SMARCA4: variants seen among roughly 807,000 people sequenced by gnomAD.
The protein encoded by SMARCA4 is SWI/SNF-related matrix-associated actin-dependent regulator of chromatin subfamily A member 4.
Under a neutral mutation model 193.9 loss-of-function variants are expected in SMARCA4, and 31 were observed. That is an observed-to-expected ratio of 0.16 (90% confidence interval 0.12 to 0.22). The LOEUF is 0.22. SMARCA4 is among the 10% of genes least tolerant of loss of function. SMARCA4 has a pLI of 1.00. For synonymous variants in SMARCA4, 942 were observed against 933.1 expected, an observed-to-expected ratio of 1.01 and a Z score of -0.17; for missense variants, 1,148 against 2,296.0, an observed-to-expected ratio of 0.50 and a Z score of 10.22.
In SMARCA4 at chr19:11,061,814, T is replaced by C. The variant is rs2076918636; in HGVS notation, c.4942T>C (p.Ter1648ArgextTer19). ...DRSGSGSEED[*>R] Reference sequence around the variant, plus strand: ...CTCAGGAAGTGGCAGCGAAGAAGACTGAGCCCCGACATTCCAGTCTCGACC... The same window carrying C: ...CTCAGGAAGTGGCAGCGAAGAAGACCGAGCCCCGACATTCCAGTCTCGACC... The change falls in exon 35 of 35, where the codon TGA becomes CGA. Residue 1648 changes from the stop codon to arginine, a stop_lost. Transcript: ENST00000344626. 6.2e-7 allele frequency: 1 copy of C among 1,614,052 alleles called. No homozygotes were observed. Among genetic ancestry groups the C allele is most frequent in the Non-Finnish European group, 8.5e-7 (1 of 1,180,006 alleles).
At position 10,986,183 on chromosome 19, in the gene SMARCA4, C is replaced by T. The variant is rs750328834; in HGVS notation, c.356-6C>T. ...GAGTGACCAGTGGGCTGACCTTTCT[C>T]TGCAGGTTACCCCTCGCCCCTGGGT... is the stretch of plus-strand genomic sequence containing the variant. On this transcript the variant is annotated splice_region_variant and splice_polypyrimidine_tract_variant and intron_variant, in intron 3 of 34. Coordinates refer to ENST00000344626, the MANE Select transcript of SMARCA4 (RefSeq NM_003072.5). This position sits in a 1 kb window ranked among gnomAD's most constrained non-coding sequence, Gnocchi z 6.7. 33 of 1,612,588 alleles carry T rather than the reference C, an allele frequency of 2.0e-5. No individual in the cohort carries two copies. Among genetic ancestry groups the T allele is most frequent in the Non-Finnish European group, 2.8e-5 (33 of 1,178,988 alleles).
rs1325847832 is a variant in SMARCA4 at position 11,030,977 on chromosome 19, C to G, written c.3546+84C>G. On this transcript the variant is annotated intron_variant, in intron 25 of 34. Transcript: ENST00000344626. This position sits in a 1 kb window ranked among gnomAD's most constrained non-coding sequence, Gnocchi z 5.5. Reference sequence around the variant, plus strand: ...AGGAGACGGCCCTGGCTTGAGGGTCCTCCAGCCTCCTCCACATTGTCTTGG... The same window carrying G: ...AGGAGACGGCCCTGGCTTGAGGGTCGTCCAGCCTCCTCCACATTGTCTTGG... The G allele has an allele frequency of 8.1e-7, 1 of 1,231,354 alleles. No homozygotes were observed. The highest frequency in any genetic ancestry group is 1.2e-6 in the Non-Finnish European group (1 of 863,780). The allele number at this position is 1,231,354 out of a possible 1,614,324, so 76.3% of individuals were successfully genotyped here.
At position 11,058,041 on chromosome 19, in the gene SMARCA4, G is replaced by C. The variant is rs2076641497; in HGVS notation, c.4425-214G>C. 6.6e-6 allele frequency among the ~76,000 whole-genome samples: 1 copy of C among 152,030 alleles called. No homozygotes were observed. Among genetic ancestry groups the C allele is most frequent in the Non-Finnish European group, 1.5e-5 (1 of 68,024 alleles). On this transcript the variant is annotated intron_variant, in intron 30 of 34. Transcript: ENST00000344626. This position sits in a 1 kb window ranked among gnomAD's most constrained non-coding sequence, Gnocchi z 5.8. ...GAATCTCCTGAACCTGGGAGGTGGAGGTTGCAGTGAGCCGAGATCGCACCA... is the reference window on the plus strand; with the variant it reads ...GAATCTCCTGAACCTGGGAGGTGGACGTTGCAGTGAGCCGAGATCGCACCA...
intron 18 of SMARCA4, among the ~76,000 whole-genome samples, chr19:11,020,415 GT>G (rs1210085184): frequency 0.019 from 2,709 of 143,846 alleles, 26 homozygotes; most frequent in Non-Finnish European, 0.026. Context: ...TTGCGTTTTG[GT>G]TTTTTTTTTT....
rs1164313425 is a variant in SMARCA4 at position 11,058,256 on chromosome 19, A to T, written c.4426A>T (p.Ser1476Cys). Residue 1476 changes from serine (S) to cysteine (C), a missense_variant and splice_region_variant, in exon 31 of 35, where the codon AGC becomes TGC. Ser to Cys is a moderately radical substitution (Grantham distance 112). Coordinates refer to ENST00000344626, the MANE Select transcript of SMARCA4 (RefSeq NM_003072.5). This position sits in a 1 kb window ranked among gnomAD's most constrained non-coding sequence, Gnocchi z 5.8. ...VDAVIKYKDSSSGRQLSEVFI... is the reference protein window; with the variant it reads ...VDAVIKYKDSCSGRQLSEVFI... ...ATAGCCGCCGGTTCTGCCTTGCAGC[A>T]GCAGTGGACGTCAGCTCAGCGAGGT... 6.2e-7 allele frequency: 1 copy of T among 1,610,746 alleles called. No homozygotes were observed. The highest frequency in any genetic ancestry group is 1.7e-5 in the Admixed American group (1 of 60,012).
chr19:11,023,409 A>G lies in SMARCA4; in HGVS notation c.2860-109A>G, dbSNP rs112226524. 13 of 742,324 alleles carry G rather than the reference A, an allele frequency of 1.8e-5. No homozygotes were observed. The African/African-American group carries it at 2.2e-4, about 13-fold the overall frequency. 46.0% of individuals were successfully genotyped at this position (742,324 alleles called of 1,614,324 possible). On this transcript the variant is annotated intron_variant, in intron 19 of 34. Transcript: ENST00000344626. Reference sequence around the variant, plus strand: ...AAAGCCACGTGCCAAGGGCAAGATCACCCCAGGGGACCCCGTCCACCCTGT... The same window carrying G: ...AAAGCCACGTGCCAAGGGCAAGATCGCCCCAGGGGACCCCGTCCACCCTGT...
At position 11,033,155 on chromosome 19, in the gene SMARCA4, G is replaced by A. The variant is rs560591557; in HGVS notation, c.3547-135G>A. The stretch of plus-strand genomic sequence containing the variant: ...TCCACCAGCTCTGTTTTCATGCGGC[G>A]GCAGGTCAGGCTGGGCAGAATTGTC... On this transcript the variant is annotated intron_variant, in intron 25 of 34. Transcript: ENST00000344626. This position sits in a 1 kb window ranked among gnomAD's most constrained non-coding sequence, Gnocchi z 9.8. The A allele has an allele frequency of 1.4e-4, 101 of 728,990 alleles. 2 individuals carry two copies. Among genetic ancestry groups the A allele is most frequent in the South Asian group, 1.2e-3 (83 of 69,118 alleles). 45.2% of individuals were successfully genotyped at this position (728,990 alleles called of 1,614,324 possible).
In SMARCA4 at chr19:11,021,726, T is replaced by G. The variant is rs2146414892; in HGVS notation, c.2618T>G (p.Ile873Ser). 1 of 1,609,834 alleles carries G rather than the reference T, an allele frequency of 6.2e-7. No individual in the cohort carries two copies. ...GATTGCCCACTCTGGGGCCCGCAGA[T>G]CCGTTGGAAGTACATGATTGTGGAC... ...IIKDKHILAK[I>S]RWKYMIVDEG... The change falls in exon 19 of 35, where the codon ATC becomes AGC. Residue 873 changes from isoleucine (I) to serine (S), a missense_variant and splice_region_variant. This residue lies in a region of SMARCA4 where 54 missense variants were observed against 123.3 expected (regional missense o/e 0.44). Transcript: ENST00000344626.
At chr19:10,982,441 TCCA>T (rs1036884484) in intron 1 of SMARCA4, among the ~76,000 whole-genome samples, 12 of 151,702 alleles carry the variant, frequency 7.9e-5, no homozygotes, top group Admixed American at 7.2e-4. Context: ...GCCATTGCAC[TCCA>T]GCCTGGGCAA....
In SMARCA4 at chr19:10,987,730, G is replaced by A. The variant is rs944736912; in HGVS notation, c.924G>A (p.Thr308=). ...TPQKLIPPQP[T]GRPSPAPPAV... ...AGAAGCTGATTCCCCCGCAGCCAACGGGCCGCCCTTCCCCCGCGCCCCCTG... is the reference window on the plus strand; with the variant it reads ...AGAAGCTGATTCCCCCGCAGCCAACAGGCCGCCCTTCCCCCGCGCCCCCTG... Residue 308 remains threonine, a synonymous_variant, in exon 6 of 35, where the codon ACG becomes ACA. Transcript: ENST00000344626. The surrounding 1 kb of genome is among the most constrained non-coding windows in gnomAD (Gnocchi z 5.3). 6.8e-6 allele frequency: 11 copies of A among 1,608,284 alleles called. No homozygotes were observed. The highest frequency in any genetic ancestry group is 1.1e-5 in the South Asian group (1 of 90,662).
Position 10,987,060 on chromosome 19 carries a change from G to C in SMARCA4, c.859+57G>C, listed in dbSNP as rs2086117990. ...TGCCCTTACTCCCCATCTCAAGCTT[G>C]GGTCCTTGAGATGAGCTTTGTCAGG... On this transcript the variant is annotated intron_variant, in intron 5 of 34. Coordinates refer to ENST00000344626, the MANE Select transcript of SMARCA4 (RefSeq NM_003072.5). This position sits in a 1 kb window ranked among gnomAD's most constrained non-coding sequence, Gnocchi z 5.3. The C allele has an allele frequency of 2.3e-6, 3 of 1,280,104 alleles. No homozygotes were observed. In the Admixed American group the frequency reaches 5.2e-5, roughly 22 times the overall value. The allele number at this position is 1,280,104 out of a possible 1,614,324, so 79.3% of individuals were successfully genotyped here.
In SMARCA4 at chr19:11,035,177, G is replaced by A. The variant is rs77858807; in HGVS notation, c.4170+45G>A. On this transcript the variant is annotated intron_variant, in intron 29 of 34. Coordinates refer to ENST00000344626, the MANE Select transcript of SMARCA4 (RefSeq NM_003072.5). ...AGCAGCTGCCGCAGGCCAGCGCCAG[G>A]CAGGGCTGGGGAGACAAAGGGCCCA... 98,876 of 1,560,918 alleles carry A rather than the reference G, an allele frequency of 0.063. 3,583 individuals are homozygous for A. The highest frequency in any genetic ancestry group is 0.1 in the South Asian group (8,992 of 87,046).
intron 1 of SMARCA4, among the ~76,000 whole-genome samples, chr19:10,971,432 C>G (rs1421814631): frequency 6.6e-6 from 1 of 152,102 alleles, no homozygotes; most frequent in Non-Finnish European, 1.5e-5. Context: ...ATCTGTTAAC[C>G]CTGCGAACCC....
chr19:11,019,725 C>G lies in SMARCA4; in HGVS notation c.2616+24C>G, dbSNP rs1176249953. The G allele has an allele frequency of 6.5e-7, 1 of 1,533,872 alleles. No individual in the cohort carries two copies. Among genetic ancestry groups the G allele is most frequent in the East Asian group, 2.2e-5 (1 of 44,464 alleles). Reference sequence around the variant, plus strand: ...AGGTAACGTGTCCCTGTGGGAAATGCCAGGCCATGGGCCGAGTGCTCACAC... The same window carrying G: ...AGGTAACGTGTCCCTGTGGGAAATGGCAGGCCATGGGCCGAGTGCTCACAC... On this transcript the variant is annotated intron_variant, in intron 18 of 34. Coordinates refer to ENST00000344626, the MANE Select transcript of SMARCA4 (RefSeq NM_003072.5). The surrounding 1 kb of genome is among the most constrained non-coding windows in gnomAD (Gnocchi z 6.1).
rs2076697340 is a variant in SMARCA4, at chr19:11,058,899, C to T, written c.4635+10C>T. On this transcript the variant is annotated intron_variant, in intron 32 of 34. Coordinates refer to ENST00000344626, the MANE Select transcript of SMARCA4 (RefSeq NM_003072.5). This position sits in a 1 kb window ranked among gnomAD's most constrained non-coding sequence, Gnocchi z 5.8. ...CCTGGAGGGCTCCCTGGTGAGGGCA[C>T]CGCTGGGGGTTGGGGATGGGCCACT... 6.2e-7 allele frequency: 1 copy of T among 1,609,706 alleles called. No homozygotes were observed. Among genetic ancestry groups the T allele is most frequent in the South Asian group, 1.1e-5 (1 of 91,044 alleles).
intron 16 of SMARCA4, among the ~76,000 whole-genome samples, chr19:11,013,687 C>T (rs757687102): frequency 1.3e-5 from 2 of 152,074 alleles, no homozygotes; most frequent in Non-Finnish European, 1.5e-5. Flanking sequence ...GCAGGGGAGT[C>T]GCAGGAGACA....
rs1204091534 is a variant in SMARCA4, at chr19:11,035,029, G to A, written c.4067G>A (p.Arg1356Gln). 9 of 1,612,656 alleles carry A rather than the reference G, an allele frequency of 5.6e-6. No individual in the cohort carries two copies. Among genetic ancestry groups the A allele is most frequent in the Middle Eastern group, 1.7e-4 (1 of 6,030 alleles). The part of the protein sequence containing the change: ...WIIKDDAEVE[R>Q]LTCEEEEEKM... ...ATCAAGGACGACGCGGAGGTGGAGC[G>A]GCTGACCTGTGAGGAGGAGGAGGAG... The change falls in exon 29 of 35, where the codon CGG (arginine) becomes CAG (glutamine). Residue 1356 changes from arginine (R) to glutamine (Q), a missense_variant. Transcript: ENST00000344626.
chr19:11,025,839 G>A (rs1261532046), intron 22 of SMARCA4, among the ~76,000 whole-genome samples: 1 of 152,206 alleles, frequency 6.6e-6, no homozygotes, highest in Non-Finnish European at 1.5e-5. Flanking sequence ...GTTGCGGGGC[G>A]TCAAGAGTCA....
At chr19:11,026,641 C>T (rs1162129831) in intron 23 of SMARCA4, among the ~76,000 whole-genome samples, 1 of 151,750 alleles carries the variant, frequency 6.6e-6, no homozygotes, top group African/African-American at 2.4e-5. Context: ...CTGGGATTAC[C>T]GGCACCTGCC....
Sources: gnomAD v4.1 joint callset for allele counts (sites outside exome capture counted in the v4.1 genomes callset) on GRCh38, gnomAD v4.1.1 for gene constraint, gnomAD v4.1.1 regional missense constraint, Gnocchi (gnomAD v3.1) non-coding constraint, MANE v1.5 for transcripts, NCBI Gene and HGNC (gene_info 2026-07-23, HGNC 2026-07-21) for gene names.